BCR: variants seen among roughly 807,000 people sequenced by gnomAD.
The protein encoded by BCR is breakpoint cluster region protein.
Under a neutral mutation model 138.6 loss-of-function variants are expected in BCR, and 58 were observed. The ratio of observed to expected loss-of-function variants is 0.42; its 90% CI spans 0.34 to 0.52. The LOEUF (loss-of-function observed/expected upper bound fraction) is 0.52. BCR is among the 20% of genes least tolerant of loss of function. The pLI is 0.06. For missense variants in BCR, 1,599 were observed against 1,727.2 expected, an observed-to-expected ratio of 0.93 and a Z score of 1.32; for synonymous variants, 786 against 730.1, an observed-to-expected ratio of 1.08 and a Z score of -1.23.
intron 4 of BCR, among the ~76,000 whole-genome samples, chr22:23,267,152 C>T (rs1011400308): frequency 1.3e-4 from 20 of 152,256 alleles, no homozygotes; most frequent in Middle Eastern, 3.4e-3. Context: ...TTTACCACTG[C>T]GGTGACAAGG....
chr22:23,306,402 G>A (rs1280759775), intron 16 of BCR, among the ~76,000 whole-genome samples: 1 of 152,224 alleles, frequency 6.6e-6, no homozygotes, highest in Non-Finnish European at 1.5e-5. Context: ...CACTGCATTT[G>A]ATTATTGGGG....
chr22:23,182,119 C>T lies in BCR; in HGVS notation c.1159C>T (p.Gln387Ter). The T allele has an allele frequency of 6.2e-7, 1 of 1,612,190 alleles. No individual in the cohort carries two copies. The highest frequency in any genetic ancestry group is 8.5e-7 in the Non-Finnish European group (1 of 1,180,000). ...CGACAGCAGCAGTCCCCCCACGCCGCAGTGCCATAAGCGGCACCGGCACTG... is the reference window on the plus strand; with the variant it reads ...CGACAGCAGCAGTCCCCCCACGCCGTAGTGCCATAAGCGGCACCGGCACTG... Reference protein sequence around the residue: ...SFDSSSPPTPQCHKRHRHCPV... With the variant: ...SFDSSSPPTP Residue 387 changes from glutamine to a stop codon, truncating the protein, a stop_gained, in exon 1 of 23, where the codon CAG becomes TAG. Transcript: ENST00000305877. LOFTEE classifies it high-confidence loss of function.
intron 1 of BCR, among the ~76,000 whole-genome samples, chr22:23,253,255 A>T (rs1419300346): frequency 6.6e-6 from 1 of 152,160 alleles, no homozygotes; most frequent in South Asian, 2.1e-4. Context: ...GGCCTTTTGG[A>T]CAGCCCTCAT....
At chr22:23,290,484 G>A in intron 14 of BCR, 71 bp downstream of exon 14, 1 of 1,462,544 alleles carries the variant, frequency 6.8e-7, no homozygotes, top group Non-Finnish European at 9.6e-7. Flanking sequence ...GACTCATCGG[G>A]CAGGGTGTGG....
chr22:23,274,489 C>T (rs1026457415), intron 8 of BCR, among the ~76,000 whole-genome samples: 7 of 152,200 alleles, frequency 4.6e-5, no homozygotes, highest in African/African-American at 1.7e-4. Context: ...GGGGGAACAG[C>T]TTTTGTCAGA....
chr22:23,310,073 A>T (rs1464540163), intron 17 of BCR: 3 of 493,214 alleles, frequency 6.1e-6, no homozygotes, highest in South Asian at 2.1e-5. Flanking sequence ...AAAAAAAAGC[A>T]AGCAAGCAAG....
At chr22:23,219,487 C>A (rs1230831632) in intron 1 of BCR, among the ~76,000 whole-genome samples, 22 of 152,174 alleles carry the variant, frequency 1.4e-4, no homozygotes, top group Admixed American at 1.4e-3. Flanking sequence ...CTGGTTCTTG[C>A]CCAGGTCCAC....
chr22:23,181,971 C>T lies in BCR; in HGVS notation c.1011C>T (p.Asn337=). The change falls in exon 1 of 23, where the codon AAC becomes AAT. Residue 337 remains asparagine (N), a synonymous_variant. Transcript: ENST00000305877. ...GYTPDCSSNE[N]LTSSEEDFSS... ...CCCCGGACTGCAGCTCCAATGAGAA[C>T]CTCACCTCCAGCGAGGAGGACTTCT... The T allele has an allele frequency of 3.1e-6, 5 of 1,613,108 alleles. No homozygotes were observed. Among genetic ancestry groups the T allele is most frequent in the Non-Finnish European group, 4.2e-6 (5 of 1,179,920 alleles).
intron 8 of BCR, among the ~76,000 whole-genome samples, chr22:23,277,347 A>G (rs1260092766): frequency 6.6e-6 from 1 of 152,170 alleles, no homozygotes; most frequent in Admixed American, 6.5e-5. Context: ...GAGTGAGGCC[A>G]TGGGCCCCTG....
chr22:23,265,446 G>A (rs1246542421), intron 4 of BCR, among the ~76,000 whole-genome samples: 1 of 152,196 alleles, frequency 6.6e-6, no homozygotes, highest in Non-Finnish European at 1.5e-5. Context: ...AGGACCAAAG[G>A]AGCTTGCAGT....
In BCR at chr22:23,261,439, C is replaced by G; in HGVS notation, c.1651C>G (p.Pro551Ala). The part of the protein sequence containing the change: ...QQIETIFFKV[P>A]ELYEIHKEFY... ...GATCGAGACCATCTTCTTCAAAGTG[C>G]CTGAGCTCTACGAGATCCACAAGGA... Residue 551 changes from proline (P) to alanine (A), a missense_variant, in exon 4 of 23, where the codon CCT becomes GCT. By Grantham distance (27) the Pro-to-Ala change is conservative (BLOSUM62 -1). Around this residue, in one of 4 missense-constraint regions of BCR, gnomAD observed 590 missense variants for 762.4 expected, o/e 0.77. Coordinates refer to ENST00000305877, the MANE Select transcript of BCR (RefSeq NM_004327.4). The G allele has an allele frequency of 1.2e-6, 2 of 1,613,776 alleles. No homozygotes were observed. The highest frequency in any genetic ancestry group is 1.1e-5 in the South Asian group (1 of 91,056).
chr22:23,288,645 G>A (rs1162693697), intron 12 of BCR, among the ~76,000 whole-genome samples: 1 of 152,052 alleles, frequency 6.6e-6, no homozygotes. Context: ...ATGCTAAAGG[G>A]GCCTTTGGCT....
At chr22:23,286,292 C>T (rs1256728456) in intron 10 of BCR, among the ~76,000 whole-genome samples, 1 of 152,198 alleles carries the variant, frequency 6.6e-6, no homozygotes, top group Non-Finnish European at 1.5e-5. Flanking sequence ...GTTAGCCAGG[C>T]CAGAGGAGGC....
chr22:23,271,541 G>T lies in BCR; in HGVS notation c.1870G>T (p.Ala624Ser), dbSNP rs755352251. The T allele has an allele frequency of 1.2e-6, 2 of 1,613,952 alleles. No individual in the cohort carries two copies. Among genetic ancestry groups the T allele is most frequent in the African/African-American group, 2.7e-5 (2 of 74,932 alleles). The change falls in exon 6 of 23, where the codon GCC (alanine) becomes TCC (serine). Residue 624 changes from alanine (A) to serine (S), a missense_variant. Physicochemically the swap from Ala to Ser is moderately conservative, Grantham distance 99 (BLOSUM62 1). Transcript: ENST00000305877. Reference sequence around the variant, plus strand: ...GCTTTTCTCTCTGCAGAACCTGAGAGCCAGAAGCAACAAAGATGCCAAGGA... The same window carrying T: ...GCTTTTCTCTCTGCAGAACCTGAGATCCAGAAGCAACAAAGATGCCAAGGA... ...QFAEISENLRARSNKDAKDPT... is the reference protein window; with the variant it reads ...QFAEISENLRSRSNKDAKDPT...
chr22:23,269,549 G>A (rs894920060), intron 5 of BCR, among the ~76,000 whole-genome samples: 4 of 152,158 alleles, frequency 2.6e-5, no homozygotes, highest in African/African-American at 4.8e-5. Flanking sequence ...GGAGCATCAC[G>A]GGCTTCGCTC....
intron 21 of BCR, 48 bp downstream of exon 21, chr22:23,314,121 G>A (rs201416252): frequency 4.2e-5 from 61 of 1,461,700 alleles, no homozygotes; most frequent in African/African-American, 2.0e-4. Flanking sequence ...TCCCCAGGCC[G>A]CAGAGTGCCC....
At chr22:23,289,646 A>G (rs1350921738) in intron 13 of BCR, 25 bp downstream of exon 13, 2 of 1,590,568 alleles carry the variant, frequency 1.3e-6, no homozygotes, top group African/African-American at 2.7e-5. Context: ...TTCCGTGTAC[A>G]GGGCACCTGC....
intron 16 of BCR, among the ~76,000 whole-genome samples, chr22:23,305,459 T>C (rs761090061): frequency 2.6e-5 from 4 of 152,184 alleles, no homozygotes; most frequent in South Asian, 2.1e-4. Context: ...CGGCTGCCCA[T>C]TGGTGACTCA....
intron 2 of BCR, among the ~76,000 whole-genome samples, chr22:23,257,741 G>C (rs2073310514): frequency 6.6e-6 from 1 of 152,204 alleles, no homozygotes; most frequent in Admixed American, 6.5e-5. Context: ...ATGGGCAGCA[G>C]ACTTGCTGAA....
Sources: gnomAD v4.1 joint callset for allele counts (sites outside exome capture counted in the v4.1 genomes callset) on GRCh38, gnomAD v4.1.1 for gene constraint, gnomAD v4.1.1 regional missense constraint, MANE v1.5 for transcripts, NCBI Gene and HGNC (gene_info 2026-07-23, HGNC 2026-07-21) for gene names.